The following EXOC6B variants were observed in gnomAD, a reference collection of about 807,000 sequenced individuals.
The protein encoded by EXOC6B is SEC15 homolog B.
A neutral mutation model predicts 113.5 loss-of-function variants in EXOC6B; 54 were observed. That is an observed-to-expected ratio of 0.48 (90% CI 0.38 to 0.60). The LOEUF is 0.60. Among genes scored for constraint, EXOC6B ranks in the 20% least tolerant of loss-of-function variants. The pLI is 0.00. For missense variants in EXOC6B, 797 were observed against 977.5 expected, an observed-to-expected ratio of 0.82 and a Z score of 2.46; for synonymous variants, 357 against 339.0, an observed-to-expected ratio of 1.05 and a Z score of -0.58.
intron 16 of EXOC6B, among the ~76,000 whole-genome samples, chr2:72,483,073 A>G (rs979743802): frequency 3.3e-5 from 5 of 152,224 alleles, no homozygotes; most frequent in African/African-American, 1.2e-4. Context: ...CTATAAAATT[A>G]CCAAAACAAA....
chr2:72,626,883 C>T (rs1384966484), intron 6 of EXOC6B, among the ~76,000 whole-genome samples: 1 of 152,030 alleles, frequency 6.6e-6, no homozygotes, highest in Non-Finnish European at 1.5e-5. Context: ...ATGCTGTGGG[C>T]TAAAGATTGA....
intron 1 of EXOC6B, among the ~76,000 whole-genome samples, chr2:72,804,500 A>C (rs1288557727): frequency 6.6e-6 from 1 of 152,246 alleles, no homozygotes. Context: ...CAGCACCAGA[A>C]ATAATTTTGC....
At chr2:72,401,586 T>TGTATATATATATATATAC in intron 18 of EXOC6B, among the ~76,000 whole-genome samples, 1 of 34,564 alleles carries the variant, frequency 2.9e-5, no homozygotes, top group Admixed American at 3.9e-4. Context: ...TATATACATA[T>TGTATATATATATATATAC]ATATATATAT....
At chr2:72,600,441 CAAAAAAAA>C (rs57908608) in intron 6 of EXOC6B, among the ~76,000 whole-genome samples, 1 of 87,468 alleles carries the variant, frequency 1.1e-5, no homozygotes. Flanking sequence ...GACCTTATCT[CAAAAAAAA>C]AAAAAAAAAA....
intron 1 of EXOC6B, among the ~76,000 whole-genome samples, chr2:72,783,318 C>CTTTTTT (rs70963146): frequency 2.2e-3 from 132 of 60,366 alleles, no homozygotes; most frequent in African/African-American, 5.2e-3. Context: ...TTTTTCTTTT[C>CTTTTTT]TTTTTTTTTT....
At chr2:72,534,309 C>T (rs1573340926) in intron 8 of EXOC6B, among the ~76,000 whole-genome samples, 3 of 151,974 alleles carry the variant, frequency 2.0e-5, no homozygotes, top group African/African-American at 2.4e-5. Flanking sequence ...ATAGATATAG[C>T]ACTAAAAATT....
At chr2:72,380,436 G>A (rs1355530754) in intron 18 of EXOC6B, among the ~76,000 whole-genome samples, 6 of 152,072 alleles carry the variant, frequency 3.9e-5, no homozygotes, top group African/African-American at 7.2e-5. Flanking sequence ...TCAGGAGATC[G>A]AGACCATCCT....
chr2:72,198,251 C>T (rs376370590), intron 20 of EXOC6B, among the ~76,000 whole-genome samples: 1 of 152,270 alleles, frequency 6.6e-6, no homozygotes, highest in Admixed American at 6.5e-5. Context: ...CAGAACAGAT[C>T]CCAAAAGAAC....
chr2:72,674,598 G>A (rs530753221), intron 6 of EXOC6B, among the ~76,000 whole-genome samples: 2 of 152,282 alleles, frequency 1.3e-5, no homozygotes, highest in South Asian at 2.1e-4. Context: ...TTGGGAGGCC[G>A]AGGCGGGCGG....
chr2:72,293,277 T>C (rs1278640651), intron 20 of EXOC6B, among the ~76,000 whole-genome samples: 1 of 152,054 alleles, frequency 6.6e-6, no homozygotes, highest in Non-Finnish European at 1.5e-5. Flanking sequence ...TTTCAGTCCC[T>C]ACCTAGTGCT....
chr2:72,606,947 T>C (rs922230325), intron 6 of EXOC6B, among the ~76,000 whole-genome samples: 2 of 152,182 alleles, frequency 1.3e-5, no homozygotes, highest in African/African-American at 4.8e-5. Flanking sequence ...AGATTTGATC[T>C]ACCAAACTTT....
Position 72,514,690 on chromosome 2 carries a change from A to G in EXOC6B, c.1000-10T>C. ...CATCTAAAGTTTCATGCTGCAACAA[A>G]GCAAAGAAGAAAAAGTTATTGTTTC... is the stretch of plus-strand genomic sequence containing the variant. On this transcript the variant is annotated splice_polypyrimidine_tract_variant and intron_variant, in intron 9 of 21. Coordinates refer to ENST00000272427, the MANE Select transcript of EXOC6B (RefSeq NM_015189.3). 2 of 1,478,930 alleles carry G rather than the reference A, an allele frequency of 1.4e-6. No individual in the cohort carries two copies. The highest frequency in any genetic ancestry group is 1.8e-6 in the Non-Finnish European group (2 of 1,102,680). 91.6% of individuals were successfully genotyped at this position (1,478,930 alleles called of 1,614,324 possible).
intron 6 of EXOC6B, among the ~76,000 whole-genome samples, chr2:72,609,159 AC>A (rs1355719353): frequency 6.6e-6 from 1 of 152,120 alleles, no homozygotes; most frequent in Non-Finnish European, 1.5e-5. Flanking sequence ...AGATCACAAT[AC>A]CCTGTTGGAA....
chr2:72,515,783 T>C (rs1701182899), intron 8 of EXOC6B: 5 of 960,316 alleles, frequency 5.2e-6, no homozygotes, highest in African/African-American at 1.8e-5. Flanking sequence ...ATGTCCTTCG[T>C]GGAACTTCAG....
At chr2:72,220,737 A>T (rs1680815352) in intron 20 of EXOC6B, among the ~76,000 whole-genome samples, 1 of 152,178 alleles carries the variant, frequency 6.6e-6, no homozygotes, top group Admixed American at 6.5e-5. Flanking sequence ...GATGAAGACA[A>T]ACTGTGCACG....
intron 18 of EXOC6B, among the ~76,000 whole-genome samples, chr2:72,461,056 T>C: frequency 6.6e-6 from 1 of 151,612 alleles, no homozygotes; most frequent in Non-Finnish European, 1.5e-5. Flanking sequence ...ATGTCCTTTG[T>C]AGGGACACGG....
At chr2:72,713,583 TCCC>T (rs1373439018) in intron 6 of EXOC6B, among the ~76,000 whole-genome samples, 1 of 144,788 alleles carries the variant, frequency 6.9e-6, no homozygotes, top group Non-Finnish European at 1.5e-5. Flanking sequence ...CCCTCCCCCG[TCCC>T]CCCACCCCAC....
chr2:72,803,644 G>T (rs1277649746), intron 1 of EXOC6B, among the ~76,000 whole-genome samples: 1 of 152,104 alleles, frequency 6.6e-6, no homozygotes, highest in African/African-American at 2.4e-5. Context: ...AAAAAGGAAT[G>T]AATACATAGA....
chr2:72,825,158 A>G lies in EXOC6B; in HGVS notation c.113+640T>C, dbSNP rs1347641137. Among the ~76,000 whole-genome samples, 1 of 152,118 alleles carries G rather than the reference A, an allele frequency of 6.6e-6. No individual in the cohort carries two copies. The highest frequency in any genetic ancestry group is 1.9e-4 in the East Asian group (1 of 5,184). On this transcript the variant is annotated intron_variant, in intron 1 of 21. Coordinates refer to ENST00000272427, the MANE Select transcript of EXOC6B (RefSeq NM_015189.3). The surrounding 1 kb of genome is among the most constrained non-coding windows in gnomAD (Gnocchi z 4.4). ...AATGGAGATGTGCGTGCAAAAAAAA[A>G]TGATAACTGGGGGGCGGCAGCAGGG...
Sources: gnomAD v4.1 joint callset for allele counts (sites outside exome capture counted in the v4.1 genomes callset) on GRCh38, gnomAD v4.1.1 for gene constraint, Gnocchi (gnomAD v3.1) non-coding constraint, MANE v1.5 for transcripts, NCBI Gene and HGNC (gene_info 2026-07-23, HGNC 2026-07-21) for gene names.